C2CD5: variants seen among roughly 807,000 people sequenced by gnomAD.
C2CD5 encodes C2 domain-containing protein 5.
In C2CD5, 109 loss-of-function variants were observed where a neutral mutation model predicts 130.3. The observed-to-expected ratio is 0.84, with a 90% confidence interval of 0.72 to 0.98. The LOEUF (loss-of-function observed/expected upper bound fraction) is 0.98, where lower values mean the gene tolerates loss of function less well. C2CD5 is among the 50% of genes least tolerant of loss of function. The pLI, the probability that C2CD5 is intolerant of heterozygous loss-of-function variation, is 0.00. For synonymous variants in C2CD5, 454 were observed against 429.2 expected (o/e 1.06, Z -0.71); for missense variants, 996 against 1,261.8 (o/e 0.79, Z 3.19).
chr12:22,483,899 T>C (rs1156837174), intron 13 of C2CD5, among the ~76,000 whole-genome samples: 1 of 152,056 alleles, frequency 6.6e-6, no homozygotes, highest in Non-Finnish European at 1.5e-5. Context: ...CTTATCAAAA[T>C]GGGGTATGAA....
chr12:22,514,447 T>C (rs1591937575), intron 8 of C2CD5, among the ~76,000 whole-genome samples: 1 of 152,120 alleles, frequency 6.6e-6, no homozygotes, highest in East Asian at 1.9e-4. Context: ...ATACGAAGCA[T>C]ATTAAAAGCC....
chr12:22,535,075 C>A, intron 3 of C2CD5, 183 bp downstream of exon 3: 2 of 558,692 alleles, frequency 3.6e-6, no homozygotes, highest in Non-Finnish European at 6.3e-6. Context: ...TTATCATATA[C>A]TGTATTTTCT....
intron 9 of C2CD5, among the ~76,000 whole-genome samples, chr12:22,511,566 C>T (rs551969326): frequency 9.8e-4 from 149 of 152,284 alleles, no homozygotes; most frequent in African/African-American, 3.5e-3. Context: ...GTTCTCTACA[C>T]CTTTACTGTT....
intron 3 of C2CD5, among the ~76,000 whole-genome samples, chr12:22,530,510 T>G (rs1470673453): frequency 1.3e-5 from 2 of 148,860 alleles, no homozygotes; most frequent in African/African-American, 5.2e-5. Context: ...CAGGCTGGAG[T>G]GCAATGGCGT....
At chr12:22,497,085 T>C (rs371353937) in intron 10 of C2CD5, among the ~76,000 whole-genome samples, 7 of 152,278 alleles carry the variant, frequency 4.6e-5, no homozygotes, top group African/African-American at 7.2e-5. Flanking sequence ...GATTTTAGGC[T>C]ATCATACACT....
In C2CD5 at chr12:22,523,476, G is replaced by A; in HGVS notation, c.750C>T (p.Ser250=). Residue 250 remains serine, a synonymous_variant, in exon 7 of 27, where the codon AGC becomes AGT. Coordinates refer to ENST00000446597, the MANE Select transcript of C2CD5 (RefSeq NM_001286176.2). ...GTACTLDKLS[S]PAAFLPACNS... is the part of the protein sequence containing the mutation. ...TACATGCAGGAAGGAATGCTGCTGG[G>A]CTACTTAATTTATCCAGAGTACACG... The A allele has an allele frequency of 6.2e-7, 1 of 1,613,926 alleles. No individual in the cohort carries two copies. The highest frequency in any genetic ancestry group is 8.5e-7 in the Non-Finnish European group (1 of 1,179,964).
In C2CD5 at chr12:22,483,648, G is replaced by A. The variant is rs117109950; in HGVS notation, c.1551-905C>T. ...AAAAGGAAAACAATCCCAAATGGAA[G>A]GTCTAAGATTCAAGAGGGAAAAAAA... On this transcript the variant is annotated intron_variant, in intron 13 of 26. Coordinates refer to ENST00000446597, the MANE Select transcript of C2CD5 (RefSeq NM_001286176.2). Among the ~76,000 whole-genome samples the A allele has an allele frequency of 4.5e-3, 678 of 152,142 alleles. 12 individuals are homozygous for A. The East Asian group carries it at 0.051, about 11-fold the overall frequency.
Position 22,457,628 on chromosome 12 carries a change from C to A in C2CD5, c.2687-467G>T, listed in dbSNP as rs547261874. Among the ~76,000 whole-genome samples the A allele has an allele frequency of 3.8e-4, 58 of 152,102 alleles. No homozygotes were observed. The South Asian group carries it at 8.5e-3, about 22-fold the overall frequency. The stretch of plus-strand genomic sequence containing the variant: ...TTGTAAGATACTGGTTTTTTCCAAA[C>A]CTTTTTGAAAACCAACTCATAATTT... On this transcript the variant is annotated intron_variant, in intron 24 of 26. Transcript: ENST00000446597.
At chr12:22,531,770 G>A (rs1428557258) in intron 3 of C2CD5, among the ~76,000 whole-genome samples, 1 of 152,158 alleles carries the variant, frequency 6.6e-6, no homozygotes, top group Non-Finnish European at 1.5e-5. Flanking sequence ...GAGAAACACA[G>A]TTATATTCCA....
intron 12 of C2CD5, among the ~76,000 whole-genome samples, chr12:22,488,076 G>A (rs1022769259): frequency 8.6e-5 from 13 of 151,550 alleles, no homozygotes; most frequent in African/African-American, 3.2e-4. Flanking sequence ...GATAGCATTA[G>A]GAGATAAACC....
chr12:22,475,619 T>C (rs1943728628), intron 15 of C2CD5, among the ~76,000 whole-genome samples: 1 of 152,144 alleles, frequency 6.6e-6, no homozygotes, highest in African/African-American at 2.4e-5. Context: ...TGCAACAGAA[T>C]TGTCTTTTTA....
chr12:22,463,075 C>T (rs946342054), intron 22 of C2CD5, among the ~76,000 whole-genome samples: 12 of 150,022 alleles, frequency 8.0e-5, no homozygotes, highest in Non-Finnish European at 1.5e-5. Flanking sequence ...CAGAGTAAGA[C>T]CCTGTCTCAA....
At chr12:22,488,717 T>G (rs1474079428) in intron 12 of C2CD5, among the ~76,000 whole-genome samples, 1 of 152,146 alleles carries the variant, frequency 6.6e-6, no homozygotes, top group Non-Finnish European at 1.5e-5. Flanking sequence ...CTATTTACAA[T>G]GACCTTTAAG....
chr12:22,536,739 G>A (rs1421029479), intron 2 of C2CD5, among the ~76,000 whole-genome samples: 3 of 152,180 alleles, frequency 2.0e-5, no homozygotes, highest in African/African-American at 7.2e-5. Context: ...GACTGATAGG[G>A]TGTAGGAAAT....
At position 22,458,559 on chromosome 12, in the gene C2CD5, C is replaced by A; in HGVS notation, c.2611G>T (p.Ala871Ser). 7.7e-7 allele frequency: 1 copy of A among 1,294,296 alleles called. No individual in the cohort carries two copies. The highest frequency in any genetic ancestry group is 9.8e-7 in the Non-Finnish European group (1 of 1,019,508). The allele number at this position is 1,294,296 out of a possible 1,614,324, so 80.2% of individuals were successfully genotyped here. Reference protein sequence around the residue: ...RATSVDYSSFADRCSSWIELI... With the variant: ...RATSVDYSSFSDRCSSWIELI... The stretch of plus-strand genomic sequence containing the variant: ...TCTATCCAGCTGCTGCATCTGTCTG[C>A]AAAGGAACTGTAATCAACTGACGTT... The change falls in exon 24 of 27, where the codon GCA becomes TCA. Residue 871 changes from alanine to serine, a missense_variant. Transcript: ENST00000446597.
At chr12:22,537,166 C>A (rs1951896415) in intron 2 of C2CD5, among the ~76,000 whole-genome samples, 1 of 152,266 alleles carries the variant, frequency 6.6e-6, no homozygotes, top group East Asian at 1.9e-4. Context: ...CTATACTGTG[C>A]CTTTTTGTTG....
chr12:22,532,966 G>A (rs1420527670), intron 3 of C2CD5, among the ~76,000 whole-genome samples: 1 of 152,160 alleles, frequency 6.6e-6, no homozygotes, highest in Non-Finnish European at 1.5e-5. Flanking sequence ...TTCCAAAGAA[G>A]AAAATTTCAG....
chr12:22,485,760 C>T (rs1222482687), intron 12 of C2CD5, among the ~76,000 whole-genome samples: 1 of 151,898 alleles, frequency 6.6e-6, no homozygotes, highest in Non-Finnish European at 1.5e-5. Context: ...ACAGCTCACA[C>T]AAATTTCAAT....
At chr12:22,528,379 T>C (rs1245985804) in intron 3 of C2CD5, among the ~76,000 whole-genome samples, 2 of 152,210 alleles carry the variant, frequency 1.3e-5, no homozygotes, top group Non-Finnish European at 2.9e-5. Context: ...AAGTTCATGA[T>C]ATAAACATCT....
Sources: gnomAD v4.1 joint callset for allele counts (sites outside exome capture counted in the v4.1 genomes callset) on GRCh38, gnomAD v4.1.1 for gene constraint, MANE v1.5 for transcripts, NCBI Gene and HGNC (gene_info 2026-07-23, HGNC 2026-07-21) for gene names.